Variants in RABEP1 observed in about 807,000 individuals in gnomAD.
RABEP1 encodes rabaptin, RAB GTPase binding effector protein 1.
In RABEP1, 51 loss-of-function variants were observed where a neutral mutation model predicts 123.4. The ratio of observed to expected loss-of-function variants is 0.41; its 90% CI spans 0.33 to 0.52. The LOEUF (loss-of-function observed/expected upper bound fraction) is 0.52, where lower values mean the gene tolerates loss of function less well. Among genes scored for constraint, RABEP1 ranks in the 20% least tolerant of loss-of-function variants. The probability of loss-of-function intolerance (pLI) is 0.16; values close to 1 mark genes in which losing one functional copy is unlikely to be tolerated. For synonymous variants in RABEP1, 347 were observed against 355.2 expected (o/e 0.98, Z 0.26); for missense variants, 888 against 996.3 (o/e 0.89, Z 1.46).
At chr17:5,302,825 G>A (rs1416952098) in intron 1 of RABEP1, among the ~76,000 whole-genome samples, 1 of 152,052 alleles carries the variant, frequency 6.6e-6, no homozygotes, top group Non-Finnish European at 1.5e-5. Flanking sequence ...ACTGGGCCTG[G>A]CTAGGAAAAT....
chr17:5,380,063 AG>A (rs1911323602), intron 15 of RABEP1, among the ~76,000 whole-genome samples: 1 of 152,168 alleles, frequency 6.6e-6, no homozygotes, highest in South Asian at 2.1e-4. Context: ...CATCTCCTCT[AG>A]GAAGTCCTTT....
intron 1 of RABEP1, among the ~76,000 whole-genome samples, chr17:5,306,572 G>A (rs2075181506): frequency 6.6e-6 from 1 of 151,618 alleles, no homozygotes; most frequent in Admixed American, 6.6e-5. Flanking sequence ...AGGTTGCAAT[G>A]AGCCAAGATT....
intron 1 of RABEP1, among the ~76,000 whole-genome samples, chr17:5,307,697 C>A (rs909763343): frequency 6.6e-6 from 1 of 152,236 alleles, no homozygotes; most frequent in East Asian, 1.9e-4. Flanking sequence ...CAAAGGAACC[C>A]CTGGGTTTGG....
Position 5,312,340 on chromosome 17 carries a change from A to G in RABEP1, c.163+3518A>G, listed in dbSNP as rs1026584008. On this transcript the variant is annotated intron_variant, in intron 2 of 17. Coordinates refer to ENST00000537505, the MANE Select transcript of RABEP1 (RefSeq NM_004703.6). ...ATTTTTTTGTATTTTTAGTAGAGAC[A>G]GGGTTTCACCCTGTTGGCCAGGCTG... Among the ~76,000 whole-genome samples the G allele has an allele frequency of 3.9e-5, 6 of 152,278 alleles. No individual in the cohort carries two copies. The East Asian group carries it at 1.2e-3, about 29-fold the overall frequency.
chr17:5,359,207 G>A (rs1166497518), intron 8 of RABEP1, among the ~76,000 whole-genome samples: 1 of 151,996 alleles, frequency 6.6e-6, no homozygotes, highest in African/African-American at 2.4e-5. Context: ...CCAAGTAGCT[G>A]GGACTACAGG....
intron 1 of RABEP1, among the ~76,000 whole-genome samples, chr17:5,295,565 C>T (rs540345578): frequency 6.6e-6 from 1 of 152,062 alleles, no homozygotes; most frequent in South Asian, 2.1e-4. Flanking sequence ...CCAAATACTT[C>T]CCTCTGCTAA....
At chr17:5,359,562 A>G (rs1909324564) in intron 8 of RABEP1, among the ~76,000 whole-genome samples, 1 of 152,222 alleles carries the variant, frequency 6.6e-6, no homozygotes, top group South Asian at 2.1e-4. Context: ...AGCTTAATAT[A>G]TACGAGATTT....
chr17:5,301,599 G>A (rs2075135497), intron 1 of RABEP1, among the ~76,000 whole-genome samples: 1 of 152,098 alleles, frequency 6.6e-6, no homozygotes. Flanking sequence ...GTAGAACTAA[G>A]CAATGTGCTT....
chr17:5,370,251 T>C lies in RABEP1; in HGVS notation c.1884+1783T>C, dbSNP rs533412127. On this transcript the variant is annotated intron_variant, in intron 12 of 17. Coordinates refer to ENST00000537505, the MANE Select transcript of RABEP1 (RefSeq NM_004703.6). ...ATGATGTGTGTGTGTACGTATGTCTTGGTTTGTGTTTTTTGCTGGACTGTT... is the reference window on the plus strand; with the variant it reads ...ATGATGTGTGTGTGTACGTATGTCTCGGTTTGTGTTTTTTGCTGGACTGTT... Among the ~76,000 whole-genome samples the C allele has an allele frequency of 2.6e-5, 4 of 152,208 alleles. No individual in the cohort carries two copies. In the East Asian group the frequency reaches 7.7e-4, roughly 29 times the overall value.
In RABEP1 at chr17:5,335,693, G is replaced by A. The variant is rs1210781616; in HGVS notation, c.528+349G>A. Among the ~76,000 whole-genome samples, 3 of 151,946 alleles carry A rather than the reference G, an allele frequency of 2.0e-5. No individual in the cohort carries two copies. The East Asian group carries it at 5.8e-4, about 29-fold the overall frequency. On this transcript the variant is annotated intron_variant, in intron 4 of 17. Coordinates refer to ENST00000537505, the MANE Select transcript of RABEP1 (RefSeq NM_004703.6). ...CACATATTTCCTTATACTACACAGA[G>A]TTCACCTATTGTGTTTATTGTTTAC...
intron 14 of RABEP1, among the ~76,000 whole-genome samples, chr17:5,377,909 G>C (rs918893188): frequency 2.0e-5 from 3 of 152,102 alleles, no homozygotes; most frequent in African/African-American, 7.2e-5. Flanking sequence ...CCAGAACCAG[G>C]GGAACGTGAT....
At chr17:5,367,990 C>T (rs947151037) in intron 11 of RABEP1, among the ~76,000 whole-genome samples, 4 of 146,572 alleles carry the variant, frequency 2.7e-5, no homozygotes, top group African/African-American at 9.8e-5. Context: ...CTCCTGACCT[C>T]AGGTGATCTG....
intron 1 of RABEP1, among the ~76,000 whole-genome samples, chr17:5,292,394 T>G (rs1567863986): frequency 6.6e-6 from 1 of 151,936 alleles, no homozygotes; most frequent in East Asian, 1.9e-4. Flanking sequence ...TTTAGTTTAT[T>G]TACTTTTTTT....
chr17:5,354,382 C>A lies in RABEP1; in HGVS notation c.987C>A (p.Leu329=), dbSNP rs372362667. 2.1e-5 allele frequency: 34 copies of A among 1,611,854 alleles called. No homozygotes were observed. The highest frequency in any genetic ancestry group is 2.6e-5 in the Non-Finnish European group (31 of 1,179,136). ...KDQEDDEQQR[L]NKRKDHKKAD... is the part of the protein sequence containing the mutation. ...AGGAGGATGATGAACAACAAAGACT[C>A]AATAAGAGAAAGGATCACAAAAAAG... Residue 329 remains leucine (L), a synonymous_variant, in exon 8 of 18, where the codon CTC becomes CTA. Coordinates refer to ENST00000537505, the MANE Select transcript of RABEP1 (RefSeq NM_004703.6).
chr17:5,367,590 A>ACATCTTT lies in RABEP1; in HGVS notation c.1786-780_1786-779insCATCTTT, dbSNP rs1172156793. Among the ~76,000 whole-genome samples, 137 of 147,224 alleles carry ACATCTTT rather than the reference A, an allele frequency of 9.3e-4. 1 individual carries two copies. Among genetic ancestry groups the ACATCTTT allele is most frequent in the East Asian group, 5.4e-3 (23 of 4,230 alleles). The stretch of plus-strand genomic sequence containing the variant: ...AGCCAAGGGTAAAACTTTTTTTTAA[A>ACATCTTT]AAAAGTATGGATAGCCAATTTCTGT... On this transcript the variant is annotated intron_variant, in intron 11 of 17. Transcript: ENST00000537505.
At chr17:5,362,886 T>TA in intron 9 of RABEP1, 26 bp from the exon 10 acceptor site, 1 of 1,482,282 alleles carries the variant, frequency 6.7e-7, no homozygotes, top group Non-Finnish European at 9.4e-7. Context: ...TTTTGCCTGA[T>TA]AAGAGGTAAT....
chr17:5,355,529 A>G (rs1908941885), intron 8 of RABEP1, among the ~76,000 whole-genome samples: 1 of 152,134 alleles, frequency 6.6e-6, no homozygotes, highest in South Asian at 2.1e-4. Context: ...CTGTGCACTT[A>G]CTGTTCATGC....
intron 2 of RABEP1, among the ~76,000 whole-genome samples, chr17:5,320,087 A>G (rs2075338473): frequency 1.3e-5 from 2 of 152,116 alleles, no homozygotes; most frequent in South Asian, 2.1e-4. Flanking sequence ...ATAATAACCA[A>G]CTCTCAGTGG....
At chr17:5,374,811 T>A (rs531621273) in intron 13 of RABEP1, among the ~76,000 whole-genome samples, 27 of 152,250 alleles carry the variant, frequency 1.8e-4, no homozygotes, top group African/African-American at 5.8e-4. Flanking sequence ...GCAAATTTTT[T>A]AAAATATTTT....
Sources: allele counts gnomAD v4.1 joint callset (sites outside exome capture counted in the v4.1 genomes callset), GRCh38; gene constraint gnomAD v4.1.1; transcripts MANE v1.5; gene names NCBI Gene and HGNC (gene_info 2026-07-23, HGNC 2026-07-21).